Variants in ANK1 observed in about 807,000 individuals in gnomAD.
ANK1 encodes the protein ankyrin 1, also known as ankyrin-1.
ANK1 carries 51 observed loss-of-function variants against 210.4 expected under a neutral mutation model. The observed-to-expected ratio is 0.24, with a 90% CI of 0.19 to 0.31. The LOEUF is 0.31. Ranked by LOEUF, ANK1 falls within the 10% of genes least tolerant of loss-of-function variation. The probability of loss-of-function intolerance (pLI) is 1.00; values close to 1 mark genes in which losing one functional copy is unlikely to be tolerated. For synonymous variants in ANK1, 967 were observed against 1,025.9 expected (o/e 0.94, Z 1.10); for missense variants, 2,051 against 2,504.4 (o/e 0.82, Z 3.86).
At chr8:41,830,349 A>G (rs952748836) in intron 1 of ANK1, among the ~76,000 whole-genome samples, 1 of 150,234 alleles carries the variant, frequency 6.7e-6, no homozygotes, top group African/African-American at 2.5e-5. Context: ...CTCTGGGGTC[A>G]TTTGTTCCCG....
chr8:41,670,068 G>A (rs528899398), intron 38 of ANK1, among the ~76,000 whole-genome samples: 2 of 151,894 alleles, frequency 1.3e-5, no homozygotes, highest in South Asian at 4.2e-4. Flanking sequence ...CCACACACAC[G>A]CCTACCTCCT....
intron 22 of ANK1, 114 bp downstream of exon 22, chr8:41,701,436 T>C (rs79446529): frequency 0.02 from 18,382 of 906,294 alleles, 398 homozygotes; most frequent in African/African-American, 0.088. Flanking sequence ...TGTCCATCTA[T>C]AGTGCTTGGG....
intron 1 of ANK1, among the ~76,000 whole-genome samples, chr8:41,847,305 G>T (rs1810246702): frequency 6.6e-6 from 1 of 152,176 alleles, no homozygotes; most frequent in South Asian, 2.1e-4. Flanking sequence ...ACCTGGGGAG[G>T]TGAAAGCGAG....
At chr8:41,866,389 C>T (rs369069525) in intron 1 of ANK1, among the ~76,000 whole-genome samples, 2 of 152,206 alleles carry the variant, frequency 1.3e-5, no homozygotes, top group African/African-American at 4.8e-5. Flanking sequence ...AGACAGGGTC[C>T]CACTGTGTTG....
intron 1 of ANK1, among the ~76,000 whole-genome samples, chr8:41,874,363 T>G (rs909706311): frequency 6.6e-6 from 1 of 152,218 alleles, no homozygotes; most frequent in African/African-American, 2.4e-5. Context: ...TAATTGAATT[T>G]TGAAAAGTTG....
rs1240004522 is a variant in ANK1 at position 41,754,686 on chromosome 8, G to T, written c.129+3350C>A. On this transcript the variant is annotated intron_variant, in intron 2 of 42. Transcript: ENST00000289734. ...CAGAAAGCTCTAGTAGCATTAAGAGGCTGGCCCTGTGCACATTACGCAGAT... is the reference window on the plus strand; with the variant it reads ...CAGAAAGCTCTAGTAGCATTAAGAGTCTGGCCCTGTGCACATTACGCAGAT... Among the ~76,000 whole-genome samples, 5 of 152,170 alleles carry T rather than the reference G, an allele frequency of 3.3e-5. No homozygotes were observed. The East Asian group carries it at 9.6e-4, about 29-fold the overall frequency.
chr8:41,701,612 T>A lies in ANK1; in HGVS notation c.2399A>T (p.Asp800Val), dbSNP rs1256578927. ...TDETSFVLVSDKHRMSFPETV... is the reference protein window; with the variant it reads ...TDETSFVLVSVKHRMSFPETV... ...CTCAGGGAAACTCATTCGATGCTTA[T>A]CACTGACTAACTAAAACGAGAAAAA... Residue 800 changes from aspartate (D) to valine (V), a missense_variant, in exon 22 of 43, where the codon GAT becomes GTT. Transcript: ENST00000289734. The A allele has an allele frequency of 6.2e-7, 1 of 1,614,142 alleles. No homozygotes were observed. The highest frequency in any genetic ancestry group is 2.2e-5 in the East Asian group (1 of 44,886).
chr8:41,736,484 C>A (rs1490568893), intron 2 of ANK1, among the ~76,000 whole-genome samples: 3 of 152,198 alleles, frequency 2.0e-5, no homozygotes, highest in African/African-American at 4.8e-5. Context: ...CCTGTGATTG[C>A]TTGGGAACTG....
At chr8:41,857,374 G>T (rs574219125) in intron 1 of ANK1, among the ~76,000 whole-genome samples, 20 of 151,046 alleles carry the variant, frequency 1.3e-4, no homozygotes, top group Non-Finnish European at 2.5e-4. Context: ...GAGGCAGGTG[G>T]ATCAACCGAG....
rs377236415 is a variant in ANK1, at chr8:41,694,030, C to T, written c.3400G>A (p.Val1134Met). ...NQATFSPIVT[V>M]EPRRRKFHRP... ...TGGAACTTCCGGCGCCGGGGCTCCA[C>T]GGTGACAATGGGGCTGAATGTGGCC... Residue 1134 changes from valine to methionine, a missense_variant, in exon 29 of 43, where the codon GTG becomes ATG. By Grantham distance (21) the Val-to-Met change is conservative. Coordinates refer to ENST00000289734, the MANE Select transcript of ANK1 (RefSeq NM_000037.4). The surrounding 1 kb of genome is among the most constrained non-coding windows in gnomAD (Gnocchi z 5.7). 1.2e-5 allele frequency: 19 copies of T among 1,613,862 alleles called. No homozygotes were observed. Among genetic ancestry groups the T allele is most frequent in the African/African-American group, 8.0e-5 (6 of 74,928 alleles).
chr8:41,819,805 A>G (rs1803904685), intron 1 of ANK1, among the ~76,000 whole-genome samples: 1 of 152,248 alleles, frequency 6.6e-6, no homozygotes, highest in South Asian at 2.1e-4. Context: ...ATTCTCACTG[A>G]TCAAAAATAC....
chr8:41,758,278 A>G lies in ANK1; in HGVS notation c.28-141T>C, dbSNP rs867779618. On this transcript the variant is annotated intron_variant, in intron 1 of 42. Transcript: ENST00000289734. ...GCCCACAGTGACACCAGGTGTGCAC[A>G]GGAGCCTGAGAGCCCCTGGTTGGAC... The G allele has an allele frequency of 8.9e-6, 7 of 785,068 alleles. No homozygotes were observed. In the South Asian group the frequency reaches 9.6e-5, roughly 11 times the overall value. The allele number at this position is 785,068 out of a possible 1,614,324, so 48.6% of individuals were successfully genotyped here. A position where few individuals can be genotyped will look rare whatever the true frequency, so the allele number is the denominator to read the frequency against.
intron 1 of ANK1, among the ~76,000 whole-genome samples, chr8:41,791,447 CTTT>C (rs76900426): frequency 7.0e-6 from 1 of 142,412 alleles, no homozygotes. Flanking sequence ...CTCTTTCTTT[CTTT>C]TTTTTTTTTT....
intron 1 of ANK1, among the ~76,000 whole-genome samples, chr8:41,895,812 G>A (rs185291388): frequency 1.6e-4 from 24 of 152,308 alleles, no homozygotes; most frequent in Admixed American, 7.8e-4. Flanking sequence ...GGTCAAGGAA[G>A]GGCAGGAGCC....
At chr8:41,683,212 G>A (rs959830598) in intron 37 of ANK1, among the ~76,000 whole-genome samples, 2 of 152,214 alleles carry the variant, frequency 1.3e-5, no homozygotes, top group African/African-American at 2.4e-5. Context: ...CCGGCTCTGC[G>A]CCTGCCGAAA....
At chr8:41,671,581 T>G (rs1812303819) in intron 38 of ANK1, among the ~76,000 whole-genome samples, 1 of 151,606 alleles carries the variant, frequency 6.6e-6, no homozygotes, top group African/African-American at 2.4e-5. Flanking sequence ...TGTCCCTAAG[T>G]GAGCTCTCCC....
intron 24 of ANK1, 61 bp from the exon 25 acceptor site, chr8:41,696,834 C>T (rs1821164050): frequency 6.7e-7 from 1 of 1,498,292 alleles, no homozygotes; most frequent in Non-Finnish European, 9.1e-7. Flanking sequence ...GATGCCGTGC[C>T]AGGGCGTGGA....
At chr8:41,740,657 A>G (rs1439853401) in intron 2 of ANK1, among the ~76,000 whole-genome samples, 1 of 152,082 alleles carries the variant, frequency 6.6e-6, no homozygotes, top group Non-Finnish European at 1.5e-5. Context: ...GTATCTCTGT[A>G]TGCGTGCACT....
At chr8:41,665,102 G>A in intron 39 of ANK1, 1 of 1,576,374 alleles carries the variant, frequency 6.3e-7, no homozygotes, top group Non-Finnish European at 8.6e-7. Context: ...ATTCTCCACT[G>A]GGACTCCTGA....
Sources: gnomAD v4.1 joint callset for allele counts (sites outside exome capture counted in the v4.1 genomes callset) on GRCh38, gnomAD v4.1.1 for gene constraint, Gnocchi (gnomAD v3.1) non-coding constraint, MANE v1.5 for transcripts, NCBI Gene and HGNC (gene_info 2026-07-23, HGNC 2026-07-21) for gene names.